Variants in ARHGAP6 observed in about 807,000 individuals in gnomAD.
The protein encoded by ARHGAP6 is rho GTPase-activating protein 6.
In ARHGAP6, 16 loss-of-function variants were observed where a neutral mutation model predicts 55.7. That is an observed-to-expected ratio of 0.29 (90% CI 0.19 to 0.44). ARHGAP6 has a LOEUF of 0.44. ARHGAP6 is among the 20% of genes least tolerant of loss of function. ARHGAP6 has a pLI of 1.00. For missense variants in ARHGAP6, 698 were observed against 808.9 expected (o/e 0.86, Z 1.66); for synonymous variants, 382 against 360.9 (o/e 1.06, Z -0.66).
At chrX:11,506,855 G>A (rs746875489) in intron 1 of ARHGAP6, among the ~76,000 whole-genome samples, 1 of 111,708 alleles carries the variant, frequency 9.0e-6, no homozygotes, top group Non-Finnish European at 1.9e-5. Flanking sequence ...CAGTCCCACC[G>A]ACAGTGTGAA....
At chrX:11,634,806 C>T (rs1461500722) in intron 1 of ARHGAP6, among the ~76,000 whole-genome samples, 1 of 112,095 alleles carries the variant, frequency 8.9e-6, no homozygotes, top group African/African-American at 3.2e-5. Context: ...GCAGCTTAAA[C>T]CACACACATT....
At chrX:11,266,072 T>TGTGTGTGAGAGA (rs1331058642) in intron 1 of ARHGAP6, 1 of 116,769 alleles carries the variant, frequency 8.6e-6, no homozygotes, top group African/African-American at 6.3e-5. Flanking sequence ...TGTGTGTGTG[T>TGTGTGTGAGAGA]GAGAGAGAGA....
At chrX:11,271,167 G>A (rs771077417) in intron 1 of ARHGAP6, among the ~76,000 whole-genome samples, 2 of 111,657 alleles carry the variant, frequency 1.8e-5, no homozygotes, top group Admixed American at 1.9e-4. Flanking sequence ...TCTGTTATGG[G>A]TATATTCACT....
Position 11,400,727 on chromosome X carries a change from C to T in ARHGAP6, c.589-146020G>A, listed in dbSNP as rs1420490470. ...CATCCAGAAATATTTCAGCATTATA[C>T]TCTTAATGTTTGACATTAACCTAGC... On this transcript the variant is annotated intron_variant, in intron 1 of 12. Coordinates refer to ENST00000337414, the MANE Select transcript of ARHGAP6 (RefSeq NM_013427.3). Among the ~76,000 whole-genome samples the T allele has an allele frequency of 2.7e-5, 3 of 111,777 alleles. 1 individual carries two copies. The East Asian group carries it at 8.4e-4, about 31-fold the overall frequency.
intron 1 of ARHGAP6, among the ~76,000 whole-genome samples, chrX:11,415,449 G>A (rs761946510): frequency 1.8e-5 from 2 of 112,054 alleles, no homozygotes; most frequent in Non-Finnish European, 3.8e-5. Flanking sequence ...AGAACTCACT[G>A]ACGAAACAGA....
At position 11,182,130 on chromosome X, in the gene ARHGAP6, C is replaced by G. The variant is rs753575407; in HGVS notation, c.1274-12G>C. On this transcript the variant is annotated splice_polypyrimidine_tract_variant and intron_variant, in intron 5 of 12. Transcript: ENST00000337414. ...CACTGTCTGGAGGCCTGCAAATAAG[C>G]AAACAAAATGAACAGTCTTGTTTCA... is the stretch of plus-strand genomic sequence containing the variant. 2 of 1,193,773 alleles carry G rather than the reference C, an allele frequency of 1.7e-6. No homozygotes were observed. Among genetic ancestry groups the G allele is most frequent in the Non-Finnish European group, 1.1e-6 (1 of 882,484 alleles).
chrX:11,478,712 C>G (rs2050427348), intron 1 of ARHGAP6, among the ~76,000 whole-genome samples: 1 of 111,763 alleles, frequency 8.9e-6, no homozygotes, highest in South Asian at 3.8e-4. Flanking sequence ...AAATTTGAAG[C>G]CAGAAAGATT....
At chrX:11,648,392 A>T (rs1162152249) in intron 1 of ARHGAP6, among the ~76,000 whole-genome samples, 1 of 112,131 alleles carries the variant, frequency 8.9e-6, no homozygotes, top group Non-Finnish European at 1.9e-5. Flanking sequence ...ATGAATGTAG[A>T]GGATAAACTA....
intron 1 of ARHGAP6, among the ~76,000 whole-genome samples, chrX:11,402,796 T>C (rs2049565912): frequency 8.9e-6 from 1 of 112,033 alleles, no homozygotes; most frequent in Non-Finnish European, 1.9e-5. Context: ...GCATCAGTTG[T>C]GGCAGAGCGT....
chrX:11,210,367 C>T (rs938056611), intron 2 of ARHGAP6, among the ~76,000 whole-genome samples: 1 of 112,355 alleles, frequency 8.9e-6, no homozygotes, highest in Non-Finnish European at 1.9e-5. Flanking sequence ...TGAAAGTTGT[C>T]AGTATTGAGG....
chrX:11,498,150 G>A (rs1404511908), intron 1 of ARHGAP6, among the ~76,000 whole-genome samples: 2 of 111,147 alleles, frequency 1.8e-5, no homozygotes, highest in Non-Finnish European at 3.8e-5. Context: ...TTCTCATAAG[G>A]GTATGTTCTT....
intron 1 of ARHGAP6, among the ~76,000 whole-genome samples, chrX:11,459,178 G>A (rs768278180): frequency 2.2e-4 from 25 of 111,348 alleles, no homozygotes; most frequent in African/African-American, 7.2e-4. Flanking sequence ...TAAAAAACAC[G>A]GTAAACATTT....
chrX:11,376,244 C>T (rs1430347194), intron 1 of ARHGAP6, among the ~76,000 whole-genome samples: 1 of 112,353 alleles, frequency 8.9e-6, no homozygotes, highest in Non-Finnish European at 1.9e-5. Flanking sequence ...AATATTTTGA[C>T]TGACATGGTA....
At chrX:11,512,017 A>G (rs7472355) in intron 1 of ARHGAP6, among the ~76,000 whole-genome samples, 21,509 of 109,611 alleles carry the variant, frequency 0.2, 1,697 homozygotes, top group Middle Eastern at 0.33. Flanking sequence ...TAGTAGAGAC[A>G]GGGTTTCACC....
intron 2 of ARHGAP6, among the ~76,000 whole-genome samples, chrX:11,211,432 G>A (rs755960688): frequency 1.6e-4 from 18 of 110,433 alleles, no homozygotes; most frequent in Middle Eastern, 4.7e-3. Context: ...GGGTTTCACC[G>A]TATTAGCCAG....
At chrX:11,513,936 C>T (rs1363299940) in intron 1 of ARHGAP6, among the ~76,000 whole-genome samples, 4 of 109,576 alleles carry the variant, frequency 3.7e-5, no homozygotes, top group South Asian at 4.0e-4. Context: ...CCAAGAAGGG[C>T]GAATCACTTG....
chrX:11,510,318 G>A (rs772126694), intron 1 of ARHGAP6, among the ~76,000 whole-genome samples: 21 of 111,075 alleles, frequency 1.9e-4, no homozygotes, highest in Middle Eastern at 9.2e-3. Context: ...TGTGATAGGC[G>A]GCACCAGTGG....
At chrX:11,414,789 T>C (rs952571713) in intron 1 of ARHGAP6, among the ~76,000 whole-genome samples, 9 of 112,006 alleles carry the variant, frequency 8.0e-5, no homozygotes, top group Admixed American at 6.7e-4. Context: ...CATTCATAAA[T>C]CACCTCATCC....
chrX:11,515,689 G>A (rs1032081669), intron 1 of ARHGAP6, among the ~76,000 whole-genome samples: 2 of 111,602 alleles, frequency 1.8e-5, no homozygotes, highest in African/African-American at 3.3e-5. Flanking sequence ...TGTCATTGTC[G>A]TGGGCACAAA....
Sources: gnomAD v4.1 joint callset for allele counts (sites outside exome capture counted in the v4.1 genomes callset) on GRCh38, gnomAD v4.1.1 for gene constraint, MANE v1.5 for transcripts, NCBI Gene and HGNC (gene_info 2026-07-23, HGNC 2026-07-21) for gene names.